Variants in GBP7 observed in about 807,000 individuals in gnomAD.
The protein encoded by GBP7 is guanylate binding protein 7.
Under a neutral mutation model 61.3 loss-of-function variants are expected in GBP7, and 43 were observed. The ratio of observed to expected loss-of-function variants is 0.70; its 90% CI spans 0.55 to 0.91. The LOEUF is 0.91. GBP7 is among the 40% of genes least tolerant of loss of function. The pLI, the probability that GBP7 is intolerant of heterozygous loss-of-function variation, is 0.00. For missense variants in GBP7, 717 were observed against 740.5 expected, an observed-to-expected ratio of 0.97 and a Z score of 0.37; for synonymous variants, 267 against 271.0, an observed-to-expected ratio of 0.99 and a Z score of 0.14.
chr1:89,171,970 G>A lies in GBP7; in HGVS notation c.-19-16C>T, dbSNP rs777942530. On this transcript the variant is annotated splice_polypyrimidine_tract_variant and intron_variant, in intron 1 of 10. Coordinates refer to ENST00000294671, the MANE Select transcript of GBP7 (RefSeq NM_207398.3). ...GTTCCTCTGTCTGCAAGGAAAAAAT[G>A]AAATGGAAAGTAATGTCTGGTAAGT... 4 of 1,557,758 alleles carry A rather than the reference G, an allele frequency of 2.6e-6. No homozygotes were observed. Among genetic ancestry groups the A allele is most frequent in the Non-Finnish European group, 3.5e-6 (4 of 1,133,904 alleles).
intron 8 of GBP7, among the ~76,000 whole-genome samples, chr1:89,144,900 CCT>C (rs1557455125): frequency 1.3e-5 from 2 of 152,180 alleles, no homozygotes; most frequent in South Asian, 2.1e-4. Flanking sequence ...TCCTCCTACC[CCT>C]CTCTGTCTGG....
intron 9 of GBP7, among the ~76,000 whole-genome samples, chr1:89,137,938 C>T (rs1383506381): frequency 6.6e-6 from 1 of 152,098 alleles, no homozygotes; most frequent in Non-Finnish European, 1.5e-5. Context: ...ATCTGATAAA[C>T]ATCAGCAAAG....
chr1:89,134,158 GACATACCCTACCTA>G (rs1303553572), intron 9 of GBP7, among the ~76,000 whole-genome samples: 1 of 152,164 alleles, frequency 6.6e-6, no homozygotes, highest in African/African-American at 2.4e-5. Flanking sequence ...CTTCTTTGCT[GACATACCCTACCTA>G]ACCATCATAG....
chr1:89,147,993 G>T (rs1682108617), intron 7 of GBP7, among the ~76,000 whole-genome samples: 1 of 152,166 alleles, frequency 6.6e-6, no homozygotes, highest in Non-Finnish European at 1.5e-5. Flanking sequence ...TTCAGCAAAA[G>T]TATGATTAAC....
At chr1:89,141,237 T>G (rs1681939806) in intron 9 of GBP7, among the ~76,000 whole-genome samples, 1 of 151,614 alleles carries the variant, frequency 6.6e-6, no homozygotes, top group Non-Finnish European at 1.5e-5. Flanking sequence ...GTAACAGTCT[T>G]GTCTGAGTTC....
intron 7 of GBP7, among the ~76,000 whole-genome samples, chr1:89,148,176 T>C (rs989203276): frequency 5.3e-5 from 8 of 152,332 alleles, no homozygotes; most frequent in Admixed American, 5.2e-4. Flanking sequence ...GGAACTCTTT[T>C]GAAATTCTTC....
In GBP7 at chr1:89,171,847, A is replaced by T; in HGVS notation, c.89T>A (p.Ile30Asn). The change falls in exon 2 of 11, where the codon ATC (isoleucine) becomes AAC (asparagine). Residue 30 changes from isoleucine to asparagine, a missense_variant. Physicochemically the swap from Ile to Asn is moderately radical, Grantham distance 149. This residue lies in a region of GBP7 where 387 missense variants were observed against 385.2 expected (regional missense o/e 1.00). Coordinates refer to ENST00000294671, the MANE Select transcript of GBP7 (RefSeq NM_207398.3). ...TACAGGCTGTGTAATGGCAGACAGGATTTCCAGAGCTTCTGAATTCACCAC... is the reference window on the plus strand; with the variant it reads ...TACAGGCTGTGTAATGGCAGACAGGTTTTCCAGAGCTTCTGAATTCACCAC... ...HLVVNSEALE[I>N]LSAITQPVVV... 1.2e-6 allele frequency: 2 copies of T among 1,613,734 alleles called. No homozygotes were observed. The highest frequency in any genetic ancestry group is 1.7e-6 in the Non-Finnish European group (2 of 1,179,886).
In GBP7 at chr1:89,132,290, C is replaced by T. The variant is rs1681697423; in HGVS notation, c.1776G>A (p.Val592=). Residue 592 remains valine (V), a synonymous_variant, in exon 11 of 11, where the codon GTG becomes GTA. Coordinates refer to ENST00000294671, the MANE Select transcript of GBP7 (RefSeq NM_207398.3). ...IEAAENEEPS[V]FSQILDVAGS... ...CAGCCACATCAAGAATCTGTGAAAA[C>T]ACTGAGGGCTCTTCATTTTCAGCTG... is the stretch of plus-strand genomic sequence containing the variant. The T allele has an allele frequency of 1.9e-6, 3 of 1,614,002 alleles. No individual in the cohort carries two copies. The highest frequency in any genetic ancestry group is 2.7e-5 in the African/African-American group (2 of 75,046).
At chr1:89,144,838 C>T (rs1682030225) in intron 8 of GBP7, among the ~76,000 whole-genome samples, 1 of 152,056 alleles carries the variant, frequency 6.6e-6, no homozygotes, top group African/African-American at 2.4e-5. Context: ...GCATCCAGAA[C>T]TTACTCATCT....
intron 2 of GBP7, among the ~76,000 whole-genome samples, chr1:89,168,330 A>C (rs1647499947): frequency 6.6e-6 from 1 of 152,216 alleles, no homozygotes; most frequent in Non-Finnish European, 1.5e-5. Context: ...TTTGGCCAAA[A>C]TCTAGAGCTC....
At position 89,141,923 on chromosome 1, in the gene GBP7, TTTCTATGCAG is replaced by T. The variant is rs1681963677; in HGVS notation, c.1366-285_1366-276del. Among the ~76,000 whole-genome samples the T allele has an allele frequency of 2.0e-5, 3 of 152,154 alleles. No individual in the cohort carries two copies. In the South Asian group the frequency reaches 6.2e-4, roughly 32 times the overall value. On this transcript the variant is annotated intron_variant, in intron 8 of 10. Coordinates refer to ENST00000294671, the MANE Select transcript of GBP7 (RefSeq NM_207398.3). ...CCCACCCCCGGTGCAGACAACCAGA[TTTCTATGCAG>T]TTCTACAAACACACATCCTCCATAG...
chr1:89,141,729 C>T (rs748538086), intron 8 of GBP7, 81 bp from the exon 9 acceptor site: 10 of 1,069,546 alleles, frequency 9.3e-6, no homozygotes, highest in East Asian at 2.4e-5. Context: ...TTCAACAAAG[C>T]CACAAATCTA....
chr1:89,133,610 T>C (rs1318717445), intron 9 of GBP7, among the ~76,000 whole-genome samples, 159 bp from the exon 10 acceptor site: 1 of 151,324 alleles, frequency 6.6e-6, no homozygotes, highest in Non-Finnish European at 1.5e-5. Context: ...AAGGAAGGCA[T>C]TGAGAGTTGA....
intron 2 of GBP7, among the ~76,000 whole-genome samples, chr1:89,166,609 A>C (rs116159003): frequency 0.011 from 1,719 of 152,362 alleles, 29 homozygotes; most frequent in African/African-American, 0.039. Context: ...TAAAGGCGGA[A>C]AGTGTGAAAG....
At position 89,131,926 on chromosome 1, in the gene GBP7, T is replaced by TAA. The variant is rs142955802; in HGVS notation, c.*222_*223insTT. On this transcript the variant is annotated 3_prime_UTR_variant, in exon 11 of 11. Coordinates refer to ENST00000294671, the MANE Select transcript of GBP7 (RefSeq NM_207398.3). Reference sequence around the variant, plus strand: ...TTCTTTATATTACCATTTGTCCTTTTGCTTTACTTAAATCTTTTCTAGGAA... The same window carrying TAA: ...TTCTTTATATTACCATTTGTCCTTTTAAGCTTTACTTAAATCTTTTCTAGGAA... 47 of 392,660 alleles carry TAA rather than the reference T, an allele frequency of 1.2e-4. No homozygotes were observed. The highest frequency in any genetic ancestry group is 8.9e-4 in the African/African-American group (43 of 48,254). The allele number at this position is 392,660 out of a possible 1,614,324, so 24.3% of individuals were successfully genotyped here.
chr1:89,150,559 G>C lies in GBP7; in HGVS notation c.642C>G (p.Ile214Met). 1 of 1,613,624 alleles carries C rather than the reference G, an allele frequency of 6.2e-7. No individual in the cohort carries two copies. Among genetic ancestry groups the C allele is most frequent in the Non-Finnish European group, 8.5e-7 (1 of 1,179,652 alleles). ...ACTCCCTGGGCTTGTTAGAATTTTGGATTTGGGGATTCTTGCCTGCAGAAT... is the reference window on the plus strand; with the variant it reads ...ACTCCCTGGGCTTGTTAGAATTTTGCATTTGGGGATTCTTGCCTGCAGAAT... ...LKLISGKNPQ[I>M]QNSNKPREWI... is the part of the protein sequence containing the mutation. Residue 214 changes from isoleucine (I) to methionine (M), a missense_variant, in exon 6 of 11, where the codon ATC becomes ATG. Transcript: ENST00000294671.
chr1:89,159,173 A>C (rs1339266031), intron 3 of GBP7, among the ~76,000 whole-genome samples: 1 of 152,202 alleles, frequency 6.6e-6, no homozygotes, highest in Admixed American at 6.5e-5. Flanking sequence ...AGAAAGCTGA[A>C]ACTGGATCCC....
intron 3 of GBP7, among the ~76,000 whole-genome samples, chr1:89,158,591 G>T (rs949327927): frequency 5.3e-5 from 8 of 152,234 alleles, no homozygotes; most frequent in African/African-American, 1.7e-4. Flanking sequence ...GCCAAATCAT[G>T]AGTGAACTCC....
rs116161452 is a variant in GBP7 at position 89,142,516 on chromosome 1, G to A, written c.1366-868C>T. On this transcript the variant is annotated intron_variant, in intron 8 of 10. Transcript: ENST00000294671. The stretch of plus-strand genomic sequence containing the variant: ...TCCTCCTACCTTGGCCTTCCAAAGC[G>A]TTGGGATTATAGGTGTGAGCCACTG... Among the ~76,000 whole-genome samples the A allele has an allele frequency of 9.3e-3, 1,418 of 152,312 alleles. 21 individuals are homozygous for A. Among genetic ancestry groups the A allele is most frequent in the South Asian group, 0.052 (253 of 4,826 alleles).
Sources: gnomAD v4.1 joint callset for allele counts (sites outside exome capture counted in the v4.1 genomes callset) on GRCh38, gnomAD v4.1.1 for gene constraint, gnomAD v4.1.1 regional missense constraint, MANE v1.5 for transcripts, NCBI Gene and HGNC (gene_info 2026-07-23, HGNC 2026-07-21) for gene names.